ZNF654: variants seen among roughly 807,000 people sequenced by gnomAD.
The protein encoded by ZNF654 is zinc finger protein 654, also known as melanoma-associated antigen.
A neutral mutation model predicts 95.3 loss-of-function variants in ZNF654; 19 were observed. The ratio of observed to expected loss-of-function variants is 0.20; its 90% CI spans 0.14 to 0.29. The LOEUF (loss-of-function observed/expected upper bound fraction) is 0.29, where lower values mean the gene tolerates loss of function less well. ZNF654 is among the 10% of genes least tolerant of loss of function. ZNF654 has a pLI of 1.00. For synonymous variants in ZNF654, 413 were observed against 457.9 expected (o/e 0.90, Z 1.25); for missense variants, 1,046 against 1,341.0 (o/e 0.78, Z 3.44).
intron 2 of ZNF654, among the ~76,000 whole-genome samples, chr3:88,112,258 A>T (rs1705136403): frequency 6.9e-6 from 1 of 145,838 alleles, no homozygotes; most frequent in Admixed American, 7.1e-5. Flanking sequence ...TTAGTCTATT[A>T]GTGATTTGTT....
intron 3 of ZNF654, among the ~76,000 whole-genome samples, chr3:88,113,840 A>G (rs1705237468): frequency 6.6e-6 from 1 of 152,078 alleles, no homozygotes. Flanking sequence ...TTTGTTAACC[A>G]TGGTGTTAAA....
chr3:88,135,375 G>A (rs1706713177), intron 7 of ZNF654, 173 bp downstream of exon 7: 1 of 416,534 alleles, frequency 2.4e-6, no homozygotes, highest in Non-Finnish European at 4.1e-6. Context: ...TCTCAACATG[G>A]GAGGCTGATT....
At chr3:88,086,094 A>G (rs1708323534) in intron 1 of ZNF654, among the ~76,000 whole-genome samples, 163 bp from the exon 2 acceptor site, 1 of 152,184 alleles carries the variant, frequency 6.6e-6, no homozygotes, top group South Asian at 2.1e-4. Context: ...TTATTTTCAG[A>G]TATATATCGT....
chr3:88,106,012 A>AG (rs1411036775), intron 2 of ZNF654, among the ~76,000 whole-genome samples: 2 of 152,154 alleles, frequency 1.3e-5, no homozygotes, highest in African/African-American at 4.8e-5. Context: ...TCCTCTCCAG[A>AG]GGATGTGGCA....
intron 1 of ZNF654, among the ~76,000 whole-genome samples, chr3:88,067,183 T>G (rs904767252): frequency 6.6e-6 from 1 of 152,248 alleles, no homozygotes; most frequent in Non-Finnish European, 1.5e-5. Context: ...CAATTTTGTG[T>G]GCAGTTATAA....
rs1576360803 is a variant in ZNF654, at chr3:88,141,532, A to G, written c.3380-113A>G. 10 of 681,236 alleles carry G rather than the reference A, an allele frequency of 1.5e-5. No homozygotes were observed. In the South Asian group the frequency reaches 3.1e-4, roughly 21 times the overall value. 42.2% of individuals were successfully genotyped at this position (681,236 alleles called of 1,614,324 possible). A position where few individuals can be genotyped will look rare whatever the true frequency, so the allele number is the denominator to read the frequency against. ...AATCAGAAAAAGAGCTTGTCTGTCT[A>G]CTAATATCAATATCCTTTAAAATGA... On this transcript the variant is annotated intron_variant, in intron 8 of 8. Coordinates refer to ENST00000636215, the MANE Select transcript of ZNF654 (RefSeq NM_001350134.2).
Position 88,059,474 on chromosome 3 carries a change from G to A in ZNF654, c.155G>A (p.Ser52Asn). ...SGNCGGGVGI[S>N]SRDYCRRFCQ... Reference sequence around the variant, plus strand: ...AACTGCGGCGGCGGCGTCGGAATCAGCAGTCGGGATTACTGCCGACGCTTC... The same window carrying A: ...AACTGCGGCGGCGGCGTCGGAATCAACAGTCGGGATTACTGCCGACGCTTC... The change falls in exon 1 of 9, where the codon AGC becomes AAC. Residue 52 changes from serine (S) to asparagine (N), a missense_variant. This residue lies in a region of ZNF654 where 89 missense variants were observed against 77.9 expected (regional missense o/e 1.14). Coordinates refer to ENST00000636215, the MANE Select transcript of ZNF654 (RefSeq NM_001350134.2). 6.6e-7 allele frequency: 1 copy of A among 1,516,942 alleles called. No homozygotes were observed. Among genetic ancestry groups the A allele is most frequent in the Non-Finnish European group, 8.8e-7 (1 of 1,139,640 alleles). 94.0% of individuals were successfully genotyped at this position (1,516,942 alleles called of 1,614,324 possible). A position where few individuals can be genotyped will look rare whatever the true frequency, so the allele number is the denominator to read the frequency against.
chr3:88,101,911 T>C (rs1704449628), intron 2 of ZNF654, among the ~76,000 whole-genome samples: 1 of 152,198 alleles, frequency 6.6e-6, no homozygotes, highest in Admixed American at 6.5e-5. Context: ...AGTCCTGTCG[T>C]TGGTAAGCAT....
chr3:88,112,802 T>C (rs1453810529), intron 2 of ZNF654, among the ~76,000 whole-genome samples: 1 of 152,074 alleles, frequency 6.6e-6, no homozygotes, highest in Non-Finnish European at 1.5e-5. Context: ...GATCCTTGTG[T>C]ATATAGCTAT....
chr3:88,098,928 G>A (rs1704230212), intron 2 of ZNF654, among the ~76,000 whole-genome samples: 1 of 152,140 alleles, frequency 6.6e-6, no homozygotes, highest in Non-Finnish European at 1.5e-5. Context: ...GCTGGCACAA[G>A]CAGGGATGCC....
rs552252294 is a variant in ZNF654 at position 88,103,981 on chromosome 3, C to T, written c.333-9134C>T. Among the ~76,000 whole-genome samples the T allele has an allele frequency of 4.6e-5, 7 of 151,966 alleles. No homozygotes were observed. The South Asian group carries it at 1.0e-3, about 23-fold the overall frequency. ...TTTGTCATGTTGGCCCGGCTGGTCT[C>T]GAACTCCTTACCTCAGGCGATCCAC... On this transcript the variant is annotated intron_variant, in intron 2 of 8. Coordinates refer to ENST00000636215, the MANE Select transcript of ZNF654 (RefSeq NM_001350134.2).
intron 1 of ZNF654, among the ~76,000 whole-genome samples, chr3:88,071,551 G>A (rs541856838): frequency 6.6e-6 from 1 of 152,342 alleles, no homozygotes; most frequent in South Asian, 2.1e-4. Context: ...CAGGAGAATG[G>A]CGTGAACCTG....
chr3:88,100,745 G>T (rs543315208), intron 2 of ZNF654, among the ~76,000 whole-genome samples: 1 of 152,156 alleles, frequency 6.6e-6, no homozygotes, highest in East Asian at 1.9e-4. Flanking sequence ...TCACTCATAG[G>T]TGGGAATTGA....
chr3:88,082,508 T>C (rs1227631389), intron 1 of ZNF654, among the ~76,000 whole-genome samples: 7 of 152,328 alleles, frequency 4.6e-5, no homozygotes, highest in Admixed American at 3.9e-4. Context: ...ATGACACCTA[T>C]GAACTGTGAG....
Position 88,140,592 on chromosome 3 carries a change from G to T in ZNF654, c.2923G>T (p.Asp975Tyr). The T allele has an allele frequency of 6.2e-7, 1 of 1,613,746 alleles. No individual in the cohort carries two copies. The highest frequency in any genetic ancestry group is 8.5e-7 in the Non-Finnish European group (1 of 1,179,730). The change falls in exon 8 of 9, where the codon GAT becomes TAT. Residue 975 changes from aspartate (D) to tyrosine (Y), a missense_variant. Physicochemically the swap from Asp to Tyr is radical, Grantham distance 160. This residue lies in a region of ZNF654 where 495 missense variants were observed against 537.0 expected (regional missense o/e 0.92). Transcript: ENST00000636215. Reference sequence around the variant, plus strand: ...TTCTGAAAATAATTGTAGTAGTAGTGATATAGTCAATGGACACAGTGAAAT... The same window carrying T: ...TTCTGAAAATAATTGTAGTAGTAGTTATATAGTCAATGGACACAGTGAAAT... ...PNSENNCSSS[D>Y]IVNGHSEIEQ... is the part of the protein sequence containing the mutation.
intron 1 of ZNF654, among the ~76,000 whole-genome samples, chr3:88,066,521 C>T (rs1189349432): frequency 2.0e-5 from 3 of 151,940 alleles, no homozygotes. Flanking sequence ...TTGCAGTCAG[C>T]TGAGATCTCC....
intron 1 of ZNF654, among the ~76,000 whole-genome samples, chr3:88,077,119 A>G (rs1040337296): frequency 3.9e-5 from 6 of 152,286 alleles, no homozygotes; most frequent in African/African-American, 1.2e-4. Flanking sequence ...GAAAAGAGAA[A>G]ATGTTTGCCC....
chr3:88,087,278 G>A lies in ZNF654; in HGVS notation c.332+876G>A, dbSNP rs561762061. 1.5e-4 allele frequency among the ~76,000 whole-genome samples: 23 copies of A among 150,890 alleles called. No individual in the cohort carries two copies. In the South Asian group the frequency reaches 4.8e-3, roughly 32 times the overall value. ...TTTTTAGTAGAGACAGGGTTTCACC[G>A]TGTTGGCCAGGCTGGTCTTGAACTC... On this transcript the variant is annotated intron_variant, in intron 2 of 8. Transcript: ENST00000636215.
intron 2 of ZNF654, among the ~76,000 whole-genome samples, chr3:88,095,254 T>C (rs541050004): frequency 6.6e-6 from 1 of 152,256 alleles, no homozygotes; most frequent in East Asian, 1.9e-4. Context: ...TCAGTTATGT[T>C]AAAGAGAACC....
Sources: gnomAD v4.1 joint callset for allele counts (sites outside exome capture counted in the v4.1 genomes callset) on GRCh38, gnomAD v4.1.1 for gene constraint, gnomAD v4.1.1 regional missense constraint, MANE v1.5 for transcripts, NCBI Gene and HGNC (gene_info 2026-07-23, HGNC 2026-07-21) for gene names.